MATN2: variants seen among roughly 807,000 people sequenced by gnomAD.
MATN2 encodes the protein matrilin 2.
A neutral mutation model predicts 103.2 loss-of-function variants in MATN2; 69 were observed. The ratio of observed to expected loss-of-function variants is 0.67; its 90% CI spans 0.55 to 0.82. The LOEUF (loss-of-function observed/expected upper bound fraction) is 0.82. Ranked by LOEUF, MATN2 falls within the 40% of genes least tolerant of loss-of-function variation. MATN2 has a pLI of 0.00. For missense variants in MATN2, 1,023 were observed against 1,211.5 expected (o/e 0.84, Z 2.31); for synonymous variants, 429 against 450.2 (o/e 0.95, Z 0.60).
rs567850930 is a variant in MATN2, at chr8:97,937,272, AC to A, written c.713-4503del. Among the ~76,000 whole-genome samples, 442 of 152,176 alleles carry A rather than the reference AC, an allele frequency of 2.9e-3. 3 individuals carry two copies. The highest frequency in any genetic ancestry group is 9.6e-3 in the African/African-American group (397 of 41,514). ...AGAAGGAAGGGCAGTTTCTAGAAAA[AC>A]CAGGTACCAGATTAAATAATAGGTG... is the stretch of plus-strand genomic sequence containing the variant. On this transcript the variant is annotated intron_variant, in intron 3 of 18. Coordinates refer to ENST00000254898, the MANE Select transcript of MATN2 (RefSeq NM_002380.5).
intron 2 of MATN2, among the ~76,000 whole-genome samples, chr8:97,893,705 T>C (rs912733173): frequency 6.6e-6 from 1 of 152,028 alleles, no homozygotes; most frequent in Non-Finnish European, 1.5e-5. Flanking sequence ...GCCTCCAGAG[T>C]AGCTGGGATT....
chr8:97,902,896 T>C (rs1042624633), intron 2 of MATN2, among the ~76,000 whole-genome samples: 1 of 152,180 alleles, frequency 6.6e-6, no homozygotes, highest in African/African-American at 2.4e-5. Context: ...GAAAGCAGTC[T>C]TGTCTGTGGA....
chr8:97,976,253 C>T (rs919966551), intron 5 of MATN2, among the ~76,000 whole-genome samples: 1 of 151,924 alleles, frequency 6.6e-6, no homozygotes, highest in Non-Finnish European at 1.5e-5. Flanking sequence ...GGATTACAGG[C>T]ACCTGCCACC....
At position 97,888,094 on chromosome 8, in the gene MATN2, C is replaced by T. The variant is rs1818502565; in HGVS notation, c.-7C>T. 1 of 1,607,446 alleles carries T rather than the reference C, an allele frequency of 6.2e-7. No individual in the cohort carries two copies. Among genetic ancestry groups the T allele is most frequent in the Non-Finnish European group, 8.5e-7 (1 of 1,177,306 alleles). ...TCACAGCCTTGCCCCTCTTGCTCGC[C>T]TTGAAAATGGAAAAGATGCTCGCAG... On this transcript the variant is annotated 5_prime_UTR_variant, in exon 2 of 19. Transcript: ENST00000254898.
rs1282024549 is a variant in MATN2 at position 98,017,995 on chromosome 8, G to C, written c.1698G>C (p.Arg566Ser). The C allele has an allele frequency of 1.2e-6, 2 of 1,613,386 alleles. No individual in the cohort carries two copies. The highest frequency in any genetic ancestry group is 1.7e-6 in the Non-Finnish European group (2 of 1,179,566). Residue 566 changes from arginine to serine, a missense_variant and splice_region_variant, in exon 12 of 19, where the codon AGG becomes AGC. Transcript: ENST00000254898. Reference protein sequence around the residue: ...ILREDGKTCRRKDVCQAIDHG... With the variant: ...ILREDGKTCRSKDVCQAIDHG... ...TGTAACTTGCTCTCCTGTCTTCAGG[G>C]AAAGATGTCTGCCAAGCTATAGACC...
rs1586181693 is a variant in MATN2, at chr8:98,035,661, A to T, written c.2820A>T (p.Glu940Asp). 1 of 1,576,182 alleles carries T rather than the reference A, an allele frequency of 6.3e-7. No individual in the cohort carries two copies. Among genetic ancestry groups the T allele is most frequent in the Non-Finnish European group, 8.7e-7 (1 of 1,152,842 alleles). Residue 940 changes from glutamate (E) to aspartate (D), a missense_variant, in exon 19 of 19, where the codon GAA becomes GAT. Transcript: ENST00000254898. ...CTTCCTTAATTTGAGATTTACTAGAAGAAATGACACAGAGAATGGAAGCCC... is the reference window on the plus strand; with the variant it reads ...CTTCCTTAATTTGAGATTTACTAGATGAAATGACACAGAGAATGGAAGCCC... Reference protein sequence around the residue: ...EEVRKLTQRLEEMTQRMEALE... With the variant: ...EEVRKLTQRLDEMTQRMEALE...
chr8:97,889,039 A>G (rs1586379738), intron 2 of MATN2, among the ~76,000 whole-genome samples: 1 of 152,216 alleles, frequency 6.6e-6, no homozygotes, highest in Admixed American at 6.5e-5. Flanking sequence ...GGTAATATAC[A>G]TACATTCTAG....
In MATN2 at chr8:97,966,802, C is replaced by T. The variant is rs150569476; in HGVS notation, c.958+5272C>T. ...TTGGTTTGTTTTGAGGGCATCTAGACCTTTAAAACAGTGCTACCTGAGCTG... is the reference window on the plus strand; with the variant it reads ...TTGGTTTGTTTTGAGGGCATCTAGATCTTTAAAACAGTGCTACCTGAGCTG... On this transcript the variant is annotated intron_variant, in intron 5 of 18. Coordinates refer to ENST00000254898, the MANE Select transcript of MATN2 (RefSeq NM_002380.5). 5.0e-4 allele frequency among the ~76,000 whole-genome samples: 76 copies of T among 152,262 alleles called. 2 individuals carry two copies. The East Asian group carries it at 0.013, about 27-fold the overall frequency.
intron 1 of MATN2, among the ~76,000 whole-genome samples, chr8:97,873,722 C>T (rs1007100890): frequency 1.3e-5 from 2 of 152,186 alleles, no homozygotes; most frequent in Admixed American, 6.5e-5. Context: ...GAAATGGCTC[C>T]TTCCTGTCCT....
intron 6 of MATN2, among the ~76,000 whole-genome samples, chr8:97,986,390 A>G (rs1676524241): frequency 6.6e-6 from 1 of 152,158 alleles, no homozygotes; most frequent in South Asian, 2.1e-4. Context: ...TTTTGGTGCA[A>G]CCATCACCTG....
chr8:97,923,162 T>C (rs906031434), intron 2 of MATN2, among the ~76,000 whole-genome samples: 19 of 151,730 alleles, frequency 1.3e-4, no homozygotes, highest in African/African-American at 4.6e-4. Flanking sequence ...TGCTAGCTCA[T>C]TACGATCATG....
chr8:97,905,853 G>T (rs2130048550), intron 2 of MATN2, among the ~76,000 whole-genome samples: 1 of 152,196 alleles, frequency 6.6e-6, no homozygotes, highest in East Asian at 1.9e-4. Context: ...TAGAGACAGG[G>T]TTTCATCATG....
chr8:98,032,544 G>T (rs1297672601), intron 16 of MATN2, among the ~76,000 whole-genome samples: 1 of 151,472 alleles, frequency 6.6e-6, no homozygotes, highest in Non-Finnish European at 1.5e-5. Flanking sequence ...TGTTGTTGTT[G>T]TTTTTTTGAG....
intron 2 of MATN2, among the ~76,000 whole-genome samples, chr8:97,892,687 T>C (rs4489302): frequency 0.011 from 1,655 of 152,342 alleles, 9 homozygotes; most frequent in Non-Finnish European, 0.014. Flanking sequence ...AGTTGCAATG[T>C]GAAATCTAAA....
intron 10 of MATN2, among the ~76,000 whole-genome samples, chr8:98,012,668 A>G (rs549696937): frequency 6.6e-6 from 1 of 152,198 alleles, no homozygotes; most frequent in East Asian, 1.9e-4. Context: ...TCTTGAGAAA[A>G]TGATTTTTGT....
At chr8:97,993,404 C>A (rs1812462531) in intron 6 of MATN2, among the ~76,000 whole-genome samples, 1 of 151,928 alleles carries the variant, frequency 6.6e-6, no homozygotes, top group Admixed American at 6.6e-5. Flanking sequence ...AACAATGTGT[C>A]CAAGTTCCAC....
At chr8:97,930,803 G>A in intron 2 of MATN2, 150 bp from the exon 3 acceptor site, 1 of 559,374 alleles carries the variant, frequency 1.8e-6, no homozygotes, top group Non-Finnish European at 3.1e-6. Flanking sequence ...TGTATTTTTA[G>A]TAGAGACAGG....
At chr8:97,964,530 C>T (rs1811423462) in intron 5 of MATN2, among the ~76,000 whole-genome samples, 1 of 151,040 alleles carries the variant, frequency 6.6e-6, no homozygotes, top group Admixed American at 6.7e-5. Flanking sequence ...CCTCGACCTC[C>T]TGGGCTCAAG....
At chr8:97,893,075 G>T (rs192797852) in intron 2 of MATN2, among the ~76,000 whole-genome samples, 2 of 152,308 alleles carry the variant, frequency 1.3e-5, no homozygotes, top group Non-Finnish European at 2.9e-5. Flanking sequence ...GGTAGGAGCT[G>T]TGGAGGGCTT....
Sources: gnomAD v4.1 joint callset for allele counts (sites outside exome capture counted in the v4.1 genomes callset) on GRCh38, gnomAD v4.1.1 for gene constraint, MANE v1.5 for transcripts, NCBI Gene and HGNC (gene_info 2026-07-23, HGNC 2026-07-21) for gene names.